Variants in MEX3C observed in about 807,000 individuals in gnomAD.
MEX3C encodes mex-3 RNA binding family member C, also known as RNA-binding E3 ubiquitin-protein ligase MEX3C.
MEX3C carries 15 observed loss-of-function variants against 35.5 expected under a neutral mutation model. The observed-to-expected ratio is 0.42, with a 90% CI of 0.28 to 0.65. The LOEUF is 0.65. Ranked by LOEUF, MEX3C falls within the 30% of genes least tolerant of loss-of-function variation. The pLI is 0.20. For missense variants in MEX3C, 711 were observed against 842.8 expected (o/e 0.84, Z 1.94); for synonymous variants, 390 against 352.8 (o/e 1.11, Z -1.18).
chr18:51,197,327 G>T lies in MEX3C; in HGVS notation c.-7C>A. On this transcript the variant is annotated 5_prime_UTR_variant, in exon 1 of 2. Coordinates refer to ENST00000406189, the MANE Select transcript of MEX3C (RefSeq NM_016626.5). ...CGGAGCTGCCGCTGGGCATCGCGGC[G>T]GCGCGCTGTCAATGGCGGCGGCGGC... The T allele has an allele frequency of 2.1e-6, 1 of 466,700 alleles. No homozygotes were observed. The highest frequency in any genetic ancestry group is 8.4e-5 in the South Asian group (1 of 11,920). The allele number at this position is 466,700 out of a possible 1,614,324, so 28.9% of individuals were successfully genotyped here.
chr18:51,183,848 A>C (rs1184433845), intron 1 of MEX3C, among the ~76,000 whole-genome samples: 2 of 152,092 alleles, frequency 1.3e-5, no homozygotes, highest in Admixed American at 6.6e-5. Flanking sequence ...CAACAAAAAA[A>C]ATTAGCCATG....
Position 51,196,977 on chromosome 18 carries a change from C to CCCT in MEX3C, c.341_343dup (p.Glu114dup), listed in dbSNP as rs1401657440. The CCCT allele has an allele frequency of 3.9e-6, 6 of 1,538,946 alleles. No homozygotes were observed. The highest frequency in any genetic ancestry group is 5.2e-6 in the Non-Finnish European group (6 of 1,144,718). On this transcript the variant is annotated inframe_insertion, in exon 1 of 2. Coordinates refer to ENST00000406189, the MANE Select transcript of MEX3C (RefSeq NM_016626.5). ...GTCTCCGTCCAGCTCCGCTTCCTCCCCCTCCTCCTCGTCCTCTTCCAGCTC... is the reference window on the plus strand; with the variant it reads ...GTCTCCGTCCAGCTCCGCTTCCTCCCCCTCCTCCTCCTCGTCCTCTTCCAGCTC...
At chr18:51,195,525 C>A (rs1599258794) in intron 1 of MEX3C, 1 of 152,328 alleles carries the variant, frequency 6.6e-6, no homozygotes, top group East Asian at 1.9e-4. Context: ...GCGGCAGCGC[C>A]ATCATCTCTC....
intron 1 of MEX3C, among the ~76,000 whole-genome samples, chr18:51,187,760 A>G (rs1287718298): frequency 1.3e-5 from 2 of 152,200 alleles, no homozygotes; most frequent in African/African-American, 4.8e-5. Context: ...CTCACGTTTC[A>G]TGATATATAA....
intron 1 of MEX3C, among the ~76,000 whole-genome samples, chr18:51,185,710 G>T (rs1480412108): frequency 6.6e-6 from 1 of 152,120 alleles, no homozygotes; most frequent in Non-Finnish European, 1.5e-5. Flanking sequence ...ATAAGGTAGG[G>T]TCAGGAAAGG....
rs1435429007 is a variant in MEX3C at position 51,197,262 on chromosome 18, T to G, written c.59A>C (p.Gln20Pro). 16 of 910,264 alleles carry G rather than the reference T, an allele frequency of 1.8e-5. No individual in the cohort carries two copies. Among genetic ancestry groups the G allele is most frequent in the Middle Eastern group, 5.5e-4 (1 of 1,802 alleles). The allele number at this position is 910,264 out of a possible 1,614,324, so 56.4% of individuals were successfully genotyped here. A position where few individuals can be genotyped will look rare whatever the true frequency, so the allele number is the denominator to read the frequency against. The change falls in exon 1 of 2, where the codon CAG becomes CCG. Residue 20 changes from glutamine to proline, a missense_variant. Gln to Pro is a moderately conservative substitution (Grantham distance 76, BLOSUM62 -1). Transcript: ENST00000406189. ...ALAAAPAPLP[Q>P]PPPPPPPPPP... ...TGGCGGCGGCGGCGGCGGGGGCGGCTGCGGCAGGGGGGCCGGGGCCGCCGC... is the reference window on the plus strand; with the variant it reads ...TGGCGGCGGCGGCGGCGGGGGCGGCGGCGGCAGGGGGGCCGGGGCCGCCGC...
intron 1 of MEX3C, among the ~76,000 whole-genome samples, chr18:51,188,667 T>G (rs984691485): frequency 8.0e-5 from 12 of 150,910 alleles, no homozygotes; most frequent in Non-Finnish European, 1.6e-4. Flanking sequence ...ATTAAAACAA[T>G]ATGGAAAGTA....
intron 1 of MEX3C, among the ~76,000 whole-genome samples, chr18:51,190,097 G>C (rs1051484064): frequency 2.6e-4 from 40 of 152,244 alleles, no homozygotes; most frequent in African/African-American, 9.4e-4. Flanking sequence ...CAACAAATGA[G>C]GGAGAGGGGA....
At chr18:51,184,489 A>ATATT (rs1912493181) in intron 1 of MEX3C, among the ~76,000 whole-genome samples, 1 of 152,224 alleles carries the variant, frequency 6.6e-6, no homozygotes, top group Non-Finnish European at 1.5e-5. Context: ...AGGAGAGACT[A>ATATT]AAATGTTAGA....
In MEX3C at chr18:51,196,775, CGCCGCCGCG is replaced by C. The variant is rs78074704; in HGVS notation, c.537_545del (p.Ala182_Ala184del). On this transcript the variant is annotated inframe_deletion, in exon 1 of 2. Coordinates refer to ENST00000406189, the MANE Select transcript of MEX3C (RefSeq NM_016626.5). ...CCCCTCCGTACAGCACCCCCGCCGC[CGCCGCCGCG>C]GCCGCCGCCTCCCGGGCATCGAACC... 642,371 of 1,520,924 alleles carry C rather than the reference CGCCGCCGCG, an allele frequency of 0.42. 137,337 individuals are homozygous for C. The highest frequency in any genetic ancestry group is 0.45 in the Non-Finnish European group (513,475 of 1,139,474). 94.2% of individuals were successfully genotyped at this position (1,520,924 alleles called of 1,614,324 possible). A position where few individuals can be genotyped will look rare whatever the true frequency, so the allele number is the denominator to read the frequency against.
At chr18:51,188,358 T>G (rs1355054594) in intron 1 of MEX3C, among the ~76,000 whole-genome samples, 3 of 152,140 alleles carry the variant, frequency 2.0e-5, no homozygotes, top group African/African-American at 7.2e-5. Flanking sequence ...TCCCAGCACT[T>G]TGGGAGGCCG....
chr18:51,184,807 C>G (rs1034676442), intron 1 of MEX3C, among the ~76,000 whole-genome samples: 1 of 151,482 alleles, frequency 6.6e-6, no homozygotes, highest in Non-Finnish European at 1.5e-5. Flanking sequence ...TGCAGAGATC[C>G]GAGATCGTGC....
chr18:51,187,281 G>C (rs1380791742), intron 1 of MEX3C, among the ~76,000 whole-genome samples: 1 of 151,998 alleles, frequency 6.6e-6, no homozygotes, highest in East Asian at 1.9e-4. Flanking sequence ...TGTGTGAAAG[G>C]CTCCACGAAC....
chr18:51,196,769 C>T lies in MEX3C; in HGVS notation c.552G>A (p.Ala184=). Residue 184 remains alanine (A), a synonymous_variant, in exon 1 of 2, where the codon GCG becomes GCA. Transcript: ENST00000406189. ...CATCGTCCCCTCCGTACAGCACCCC[C>T]GCCGCCGCCGCCGCGGCCGCCGCCT... ...AREAAAAAAA[A]GVLYGGDDAQ... is the part of the protein sequence containing the mutation. 1.4e-6 allele frequency: 2 copies of T among 1,455,548 alleles called. No homozygotes were observed. Among genetic ancestry groups the T allele is most frequent in the East Asian group, 2.7e-5 (1 of 37,326 alleles). The allele number at this position is 1,455,548 out of a possible 1,614,324, so 90.2% of individuals were successfully genotyped here.
Position 51,196,728 on chromosome 18 carries a change from G to T in MEX3C, c.593C>A (p.Ala198Glu). 1 of 1,529,840 alleles carries T rather than the reference G, an allele frequency of 6.5e-7. No homozygotes were observed. Among genetic ancestry groups the T allele is most frequent in the Middle Eastern group, 1.7e-4 (1 of 5,788 alleles). The allele number at this position is 1,529,840 out of a possible 1,614,324, so 94.8% of individuals were successfully genotyped here. A position where few individuals can be genotyped will look rare whatever the true frequency, so the allele number is the denominator to read the frequency against. The change falls in exon 1 of 2, where the codon GCG (alanine) becomes GAG (glutamate). Residue 198 changes from alanine to glutamate, a missense_variant. Physicochemically the swap from Ala to Glu is moderately radical, Grantham distance 107. This residue lies in a region of MEX3C where 354 missense variants were observed against 311.6 expected (regional missense o/e 1.14). Coordinates refer to ENST00000406189, the MANE Select transcript of MEX3C (RefSeq NM_016626.5). ...GCCGTAGGCGTGGGACAGCATCGCCGCCATCATGCCCTGGGCATCGTCCCC... is the reference window on the plus strand; with the variant it reads ...GCCGTAGGCGTGGGACAGCATCGCCTCCATCATGCCCTGGGCATCGTCCCC... ...YGGDDAQGMM[A>E]AMLSHAYGPG... is the part of the protein sequence containing the mutation.
At chr18:51,196,195 A>G (rs1912782109) in intron 1 of MEX3C, 4 of 304,286 alleles carry the variant, frequency 1.3e-5, no homozygotes, top group African/African-American at 2.3e-5. Flanking sequence ...GCAAACTTGC[A>G]ATCTCGAAGC....
chr18:51,176,668 G>T lies in MEX3C; in HGVS notation c.1663C>A (p.Pro555Thr). ...SPTFPESIEH[P>T]LARRVRSDPP... is the part of the protein sequence containing the mutation. ...TCGCTCCTAACCCTCCGAGCAAGTG[G>T]ATGTTCTATGCTCTCAGGAAATGTA... is the stretch of plus-strand genomic sequence containing the variant. The change falls in exon 2 of 2, where the codon CCA (proline) becomes ACA (threonine). Residue 555 changes from proline to threonine, a missense_variant. Around this residue, in one of 4 missense-constraint regions of MEX3C, gnomAD observed 87 missense variants for 150.4 expected, o/e 0.58. Coordinates refer to ENST00000406189, the MANE Select transcript of MEX3C (RefSeq NM_016626.5). 1.9e-6 allele frequency: 3 copies of T among 1,613,998 alleles called. No individual in the cohort carries two copies. Among genetic ancestry groups the T allele is most frequent in the Non-Finnish European group, 2.5e-6 (3 of 1,179,884 alleles).
At chr18:51,190,637 C>G (rs1912631232) in intron 1 of MEX3C, among the ~76,000 whole-genome samples, 1 of 152,130 alleles carries the variant, frequency 6.6e-6, no homozygotes, top group South Asian at 2.1e-4. Context: ...TTGAAGTGTC[C>G]TTACATCTCA....
In MEX3C at chr18:51,196,853, C is replaced by G. The variant is rs1359549728; in HGVS notation, c.468G>C (p.Gln156His). 1.6e-5 allele frequency: 24 copies of G among 1,538,440 alleles called. No homozygotes were observed. The South Asian group carries it at 2.9e-4, about 18-fold the overall frequency. Reference sequence around the variant, plus strand: ...CAGACCCCAGGGACCCGCCCGGGATCTGCTGGGTCTGAGAGGCGGTGGCCG... The same window carrying G: ...CAGACCCCAGGGACCCGCCCGGGATGTGCTGGGTCTGAGAGGCGGTGGCCG... Reference protein sequence around the residue: ...PPAATASQTQQIPGGSLGSVL... With the variant: ...PPAATASQTQHIPGGSLGSVL... Residue 156 changes from glutamine to histidine, a missense_variant, in exon 1 of 2, where the codon CAG (glutamine) becomes CAC (histidine). Physicochemically the swap from Gln to His is conservative, Grantham distance 24. Coordinates refer to ENST00000406189, the MANE Select transcript of MEX3C (RefSeq NM_016626.5).
Sources: gnomAD v4.1 joint callset for allele counts (sites outside exome capture counted in the v4.1 genomes callset) on GRCh38, gnomAD v4.1.1 for gene constraint, gnomAD v4.1.1 regional missense constraint, MANE v1.5 for transcripts, NCBI Gene and HGNC (gene_info 2026-07-23, HGNC 2026-07-21) for gene names.